RFX2: variants seen among roughly 807,000 people sequenced by gnomAD.
The protein encoded by RFX2 is DNA-binding protein RFX2.
Under a neutral mutation model 87.8 loss-of-function variants are expected in RFX2, and 20 were observed. The observed-to-expected ratio is 0.23, with a 90% CI of 0.16 to 0.33. RFX2 has a LOEUF of 0.33. Among genes scored for constraint, RFX2 ranks in the 10% least tolerant of loss-of-function variants. RFX2 has a pLI of 1.00. For missense variants in RFX2, 767 were observed against 1,012.3 expected (o/e 0.76, Z 3.29); for synonymous variants, 397 against 431.3 (o/e 0.92, Z 0.98).
chr19:6,060,095 CA>C (rs137890686), intron 1 of RFX2, among the ~76,000 whole-genome samples: 2,207 of 152,246 alleles, frequency 0.014, 57 homozygotes, highest in African/African-American at 0.05. Flanking sequence ...CCTTTTCTGA[CA>C]CCGCCTCTGC....
Position 6,061,926 on chromosome 19 carries a change from G to A in RFX2, c.-8-14422C>T, listed in dbSNP as rs957532048. Among the ~76,000 whole-genome samples, 1 of 152,124 alleles carries A rather than the reference G, an allele frequency of 6.6e-6. No homozygotes were observed. The highest frequency in any genetic ancestry group is 2.4e-5 in the African/African-American group (1 of 41,398). The stretch of plus-strand genomic sequence containing the variant: ...CTAGGCAGGGGCGGGAGGATCCATT[G>A]AACCCAGGAGTTCGAGACCAGCCTG... On this transcript the variant is annotated intron_variant, in intron 1 of 17. Coordinates refer to ENST00000303657, the MANE Select transcript of RFX2 (RefSeq NM_000635.4). This position sits in a 1 kb window ranked among gnomAD's most constrained non-coding sequence, Gnocchi z 5.2.
At chr19:6,089,950 C>T (rs2087909813) in intron 1 of RFX2, among the ~76,000 whole-genome samples, 1 of 152,090 alleles carries the variant, frequency 6.6e-6, no homozygotes, top group African/African-American at 2.4e-5. Flanking sequence ...TATAAGATAA[C>T]ATCTTTGGAT....
In RFX2 at chr19:6,022,573, C is replaced by T. The variant is rs1439742933; in HGVS notation, c.597+3590G>A. 6.6e-6 allele frequency among the ~76,000 whole-genome samples: 1 copy of T among 152,210 alleles called. No homozygotes were observed. Among genetic ancestry groups the T allele is most frequent in the African/African-American group, 2.4e-5 (1 of 41,458 alleles). On this transcript the variant is annotated intron_variant, in intron 6 of 17. Transcript: ENST00000303657. The surrounding 1 kb of genome is among the most constrained non-coding windows in gnomAD (Gnocchi z 6.2). ...AGGGGCTGAGGCCGCCTCTTCTGCTCAAGTCGGTGGCCTGCCACACCCGGT... is the reference window on the plus strand; with the variant it reads ...AGGGGCTGAGGCCGCCTCTTCTGCTTAAGTCGGTGGCCTGCCACACCCGGT...
intron 16 of RFX2, among the ~76,000 whole-genome samples, chr19:5,996,744 C>CG (rs2086418058): frequency 1.2e-4 from 19 of 152,246 alleles, no homozygotes; most frequent in Admixed American, 1.1e-3. Flanking sequence ...GTGTCCGAGG[C>CG]CTCCCCTGTG....
chr19:6,037,871 T>C (rs2087045489), intron 5 of RFX2, among the ~76,000 whole-genome samples: 1 of 152,152 alleles, frequency 6.6e-6, no homozygotes, highest in South Asian at 2.1e-4. Flanking sequence ...GGCCAACTGA[T>C]TTTTGACAAA....
chr19:6,084,168 C>T (rs1015374114), intron 1 of RFX2, among the ~76,000 whole-genome samples: 7 of 152,172 alleles, frequency 4.6e-5, no homozygotes, highest in Non-Finnish European at 1.5e-5. Context: ...AATGAGTTCG[C>T]TGTGCATTGT....
intron 1 of RFX2, among the ~76,000 whole-genome samples, chr19:6,084,620 T>C (rs1399152136): frequency 6.9e-6 from 1 of 144,402 alleles, no homozygotes; most frequent in Non-Finnish European, 1.5e-5. Flanking sequence ...ACTGGATTTG[T>C]CCTTTTTTTT....
intron 3 of RFX2, among the ~76,000 whole-genome samples, chr19:6,043,247 A>G (rs2087136643): frequency 6.6e-6 from 1 of 152,190 alleles, no homozygotes; most frequent in African/African-American, 2.4e-5. Context: ...GAGTGCCTTG[A>G]CAGACAGCAG....
intron 1 of RFX2, among the ~76,000 whole-genome samples, chr19:6,048,290 T>C (rs2144781286): frequency 6.6e-6 from 1 of 152,372 alleles, no homozygotes; most frequent in East Asian, 1.9e-4. Flanking sequence ...TATAAACATA[T>C]ATTTCTTTGC....
Position 5,997,422 on chromosome 19 carries a change from G to A in RFX2, c.1860-209C>T, listed in dbSNP as rs925552100. 24 of 562,558 alleles carry A rather than the reference G, an allele frequency of 4.3e-5. No individual in the cohort carries two copies. Among genetic ancestry groups the A allele is most frequent in the Non-Finnish European group, 6.5e-5 (21 of 324,420 alleles). The allele number at this position is 562,558 out of a possible 1,614,324, so 34.8% of individuals were successfully genotyped here. Reference sequence around the variant, plus strand: ...TGACGGACAGGTGGGGCCGGCCTGCGCGCTCAGTTCCAGAGACCACCTGGG... The same window carrying A: ...TGACGGACAGGTGGGGCCGGCCTGCACGCTCAGTTCCAGAGACCACCTGGG... On this transcript the variant is annotated intron_variant, in intron 15 of 17. Transcript: ENST00000303657. This position sits in a 1 kb window ranked among gnomAD's most constrained non-coding sequence, Gnocchi z 4.2.
intron 5 of RFX2, among the ~76,000 whole-genome samples, chr19:6,035,348 T>G (rs1053570806): frequency 8.5e-5 from 13 of 152,096 alleles, no homozygotes; most frequent in African/African-American, 3.1e-4. Flanking sequence ...GAGGTTCCAC[T>G]TGGGCAGAAA....
intron 4 of RFX2, 138 bp downstream of exon 4, chr19:6,041,906 C>T: frequency 1.3e-6 from 1 of 740,912 alleles, no homozygotes. Flanking sequence ...GCCCAGTTTC[C>T]TAATAGCATT....
chr19:6,065,490 C>CA (rs1187619021), intron 1 of RFX2, among the ~76,000 whole-genome samples: 3 of 151,978 alleles, frequency 2.0e-5, no homozygotes, highest in Non-Finnish European at 4.4e-5. Context: ...ACTACAAATA[C>CA]AAAAAAATTA....
rs976981672 is a variant in RFX2 at position 6,024,296 on chromosome 19, G to C, written c.597+1867C>G. ...ATGTGCTCTGAGTTTAAGACTGGGG[G>C]CTGGGGAGATCCTCTCTCCAAGCAC... On this transcript the variant is annotated intron_variant, in intron 6 of 17. Coordinates refer to ENST00000303657, the MANE Select transcript of RFX2 (RefSeq NM_000635.4). This position sits in a 1 kb window ranked among gnomAD's most constrained non-coding sequence, Gnocchi z 5.0. Among the ~76,000 whole-genome samples, 1 of 152,172 alleles carries C rather than the reference G, an allele frequency of 6.6e-6. No individual in the cohort carries two copies.
chr19:6,062,391 G>C (rs1011856200), intron 1 of RFX2, among the ~76,000 whole-genome samples: 3 of 152,168 alleles, frequency 2.0e-5, no homozygotes, highest in Admixed American at 6.5e-5. Flanking sequence ...CTGAGGCTCA[G>C]AAAGGGCGAG....
At position 6,012,983 on chromosome 19, in the gene RFX2, C is replaced by T. The variant is rs1314222910; in HGVS notation, c.899+3G>A. 1 of 1,543,840 alleles carries T rather than the reference C, an allele frequency of 6.5e-7. No individual in the cohort carries two copies. The stretch of plus-strand genomic sequence containing the variant: ...GCTCCTCCCAGCTCGGCCCGGCACC[C>T]ACCTGGGCTTCTGGTGCATGGGCTG... On this transcript the variant is annotated splice_donor_region_variant and intron_variant, in intron 8 of 17. Coordinates refer to ENST00000303657, the MANE Select transcript of RFX2 (RefSeq NM_000635.4). This position sits in a 1 kb window ranked among gnomAD's most constrained non-coding sequence, Gnocchi z 4.6.
At chr19:6,098,910 T>TG (rs1256211097) in intron 1 of RFX2, among the ~76,000 whole-genome samples, 1 of 136,096 alleles carries the variant, frequency 7.3e-6, no homozygotes, top group Non-Finnish European at 1.5e-5. Flanking sequence ...GCTGACTTTT[T>TG]GGGGTGACCC....
At chr19:6,046,352 G>A (rs974243390) in intron 2 of RFX2, among the ~76,000 whole-genome samples, 3 of 151,876 alleles carry the variant, frequency 2.0e-5, no homozygotes, top group South Asian at 2.1e-4. Flanking sequence ...AGGCTGAGGC[G>A]GGCAGATCAC....
At chr19:6,106,486 G>A (rs191929847) in intron 1 of RFX2, among the ~76,000 whole-genome samples, 30 of 152,298 alleles carry the variant, frequency 2.0e-4, no homozygotes, top group African/African-American at 7.0e-4. Flanking sequence ...GACTCACTTG[G>A]TGACAAAAGC....
Sources: allele counts gnomAD v4.1 joint callset (sites outside exome capture counted in the v4.1 genomes callset), GRCh38; gene constraint gnomAD v4.1.1; non-coding constraint Gnocchi (gnomAD v3.1); transcripts MANE v1.5; gene names NCBI Gene and HGNC (gene_info 2026-07-23, HGNC 2026-07-21).